The following CACNA2D3 variants were observed in gnomAD, a reference collection of about 807,000 sequenced individuals.
The protein encoded by CACNA2D3 is voltage-dependent calcium channel subunit alpha-2/delta-3.
A neutral mutation model predicts 160.6 loss-of-function variants in CACNA2D3; 60 were observed. That is an observed-to-expected ratio of 0.37 (90% confidence interval 0.30 to 0.46). The LOEUF (loss-of-function observed/expected upper bound fraction) is 0.46, where lower values mean the gene tolerates loss of function less well. Ranked by LOEUF, CACNA2D3 falls within the 20% of genes least tolerant of loss-of-function variation. The pLI, the probability that CACNA2D3 is intolerant of heterozygous loss-of-function variation, is 1.00. For synonymous variants in CACNA2D3, 558 were observed against 492.9 expected (o/e 1.13, Z -1.75); for missense variants, 1,205 against 1,365.0 (o/e 0.88, Z 1.85).
intron 12 of CACNA2D3, among the ~76,000 whole-genome samples, chr3:54,754,917 G>A (rs1197914595): frequency 6.6e-6 from 1 of 152,164 alleles, no homozygotes; most frequent in African/African-American, 2.4e-5. Context: ...GAGAACTCTG[G>A]TAGGAAGGGA....
At chr3:54,812,755 A>C (rs939614012) in intron 13 of CACNA2D3, among the ~76,000 whole-genome samples, 1 of 152,182 alleles carries the variant, frequency 6.6e-6, no homozygotes, top group Non-Finnish European at 1.5e-5. Flanking sequence ...GTGGGTCCAC[A>C]CAGAGCCTTG....
intron 9 of CACNA2D3, among the ~76,000 whole-genome samples, chr3:54,590,597 CTTATTA>C (rs35084465): frequency 7.4e-5 from 11 of 149,240 alleles, no homozygotes; most frequent in African/African-American, 2.2e-4. Flanking sequence ...TGGCATTTCT[CTTATTA>C]TTATTATTAT....
chr3:54,579,085 G>A (rs1301642817), intron 8 of CACNA2D3, among the ~76,000 whole-genome samples: 1 of 152,198 alleles, frequency 6.6e-6, no homozygotes, highest in Non-Finnish European at 1.5e-5. Flanking sequence ...TCAATTTTGA[G>A]AGTGTGTATT....
intron 5 of CACNA2D3, among the ~76,000 whole-genome samples, chr3:54,561,833 A>G (rs1702330227): frequency 1.3e-5 from 2 of 152,290 alleles, no homozygotes; most frequent in South Asian, 4.1e-4. Context: ...GATAATTTAT[A>G]AAGGAAAGAG....
chr3:54,881,398 A>G (rs1241652527), intron 21 of CACNA2D3, among the ~76,000 whole-genome samples: 3 of 152,184 alleles, frequency 2.0e-5, no homozygotes, highest in Non-Finnish European at 4.4e-5. Flanking sequence ...CATAGGTCAG[A>G]GGGAGTAAGT....
At chr3:54,258,793 T>C (rs959086329) in intron 2 of CACNA2D3, among the ~76,000 whole-genome samples, 1 of 152,166 alleles carries the variant, frequency 6.6e-6, no homozygotes, top group African/African-American at 2.4e-5. Context: ...TCATAACACC[T>C]GAAGGGATCA....
At chr3:54,470,633 G>C (rs1700713734) in intron 4 of CACNA2D3, among the ~76,000 whole-genome samples, 1 of 152,086 alleles carries the variant, frequency 6.6e-6, no homozygotes, top group Non-Finnish European at 1.5e-5. Context: ...AAAAGACACA[G>C]ACTGGCAAAT....
chr3:54,701,677 A>C (rs1392293360), intron 11 of CACNA2D3, among the ~76,000 whole-genome samples: 1 of 152,182 alleles, frequency 6.6e-6, no homozygotes, highest in Admixed American at 6.5e-5. Context: ...TGCCCAAAGC[A>C]ATTTATAGAT....
intron 2 of CACNA2D3, among the ~76,000 whole-genome samples, chr3:54,184,340 A>G (rs1000125743): frequency 6.6e-6 from 1 of 152,174 alleles, no homozygotes; most frequent in Non-Finnish European, 1.5e-5. Context: ...GCCACTTCCT[A>G]TGTGTGTTCA....
At chr3:54,662,867 G>A (rs192506684) in intron 11 of CACNA2D3, among the ~76,000 whole-genome samples, 19 of 152,354 alleles carry the variant, frequency 1.2e-4, no homozygotes, top group African/African-American at 4.6e-4. Flanking sequence ...AGCTGAGTTT[G>A]ATGACCAACT....
intron 11 of CACNA2D3, among the ~76,000 whole-genome samples, chr3:54,740,900 C>T (rs1307188187): frequency 3.3e-5 from 5 of 152,222 alleles, no homozygotes; most frequent in African/African-American, 1.2e-4. Flanking sequence ...TCCAAAACTC[C>T]TGACTCCTCG....
chr3:54,172,584 G>T (rs1576977567), intron 2 of CACNA2D3, among the ~76,000 whole-genome samples: 1 of 152,300 alleles, frequency 6.6e-6, no homozygotes, highest in South Asian at 2.1e-4. Context: ...AACATATTTT[G>T]CAGAGTAAAC....
In CACNA2D3 at chr3:54,711,031, TCAAATAA is replaced by T. The variant is rs139168833; in HGVS notation, c.1168-41563_1168-41557del. ...ATAGAAGGTAATTGAACTTTTGCCA[TCAAATAA>T]CAAACAGGGGAGAGGCTGTTTGATT... On this transcript the variant is annotated intron_variant, in intron 11 of 37. Transcript: ENST00000474759. 4.1e-3 allele frequency among the ~76,000 whole-genome samples: 627 copies of T among 152,264 alleles called. 6 individuals are homozygous for T. Among genetic ancestry groups the T allele is most frequent in the African/African-American group, 0.014 (594 of 41,548 alleles).
intron 26 of CACNA2D3, among the ~76,000 whole-genome samples, chr3:54,899,363 G>A (rs1240533801): frequency 6.6e-6 from 1 of 152,182 alleles, no homozygotes; most frequent in Non-Finnish European, 1.5e-5. Flanking sequence ...ATGAATCAGA[G>A]CTAAAGTTGC....
intron 11 of CACNA2D3, among the ~76,000 whole-genome samples, chr3:54,748,040 G>A (rs1014841328): frequency 6.6e-6 from 1 of 152,132 alleles, no homozygotes. Flanking sequence ...TGGTAGCCCT[G>A]GCACCAAGAA....
At chr3:54,157,639 A>G (rs1700267912) in intron 2 of CACNA2D3, among the ~76,000 whole-genome samples, 2 of 152,086 alleles carry the variant, frequency 1.3e-5, no homozygotes, top group Admixed American at 6.6e-5. Flanking sequence ...AAAAAATACA[A>G]AATTAGCCGA....
chr3:54,462,376 G>A (rs760905977), intron 4 of CACNA2D3, among the ~76,000 whole-genome samples: 2 of 152,184 alleles, frequency 1.3e-5, no homozygotes, highest in Non-Finnish European at 2.9e-5. Context: ...ACAGTGGGGT[G>A]TTAACATCTC....
intron 4 of CACNA2D3, among the ~76,000 whole-genome samples, chr3:54,400,533 C>T (rs185679989): frequency 2.6e-4 from 39 of 152,132 alleles, no homozygotes; most frequent in Non-Finnish European, 4.7e-4. Context: ...AGGAGGACAT[C>T]AAAAGTCCTT....
intron 11 of CACNA2D3, among the ~76,000 whole-genome samples, chr3:54,726,818 G>A (rs1401065378): frequency 1.3e-5 from 2 of 152,204 alleles, no homozygotes; most frequent in African/African-American, 2.4e-5. Context: ...ATCCTGTAAG[G>A]AAACGTGGGT....
Sources: allele counts gnomAD v4.1 joint callset (sites outside exome capture counted in the v4.1 genomes callset), GRCh38; gene constraint gnomAD v4.1.1; transcripts MANE v1.5; gene names NCBI Gene and HGNC (gene_info 2026-07-23, HGNC 2026-07-21).